The following CDH13 variants were observed in gnomAD, a reference collection of about 807,000 sequenced individuals.
The protein encoded by CDH13 is cadherin 13.
In CDH13, 24 loss-of-function variants were observed where a neutral mutation model predicts 63.8. The ratio of observed to expected loss-of-function variants is 0.38; its 90% CI spans 0.27 to 0.53. The LOEUF is 0.53. Ranked by LOEUF, CDH13 falls within the 20% of genes least tolerant of loss-of-function variation. The pLI is 0.85. For missense variants in CDH13, 1,049 were observed against 903.1 expected, an observed-to-expected ratio of 1.16 and a Z score of -2.07; for synonymous variants, 503 against 355.3, an observed-to-expected ratio of 1.42 and a Z score of -4.67.
At chr16:83,432,747 C>T (rs887845762) in intron 6 of CDH13, among the ~76,000 whole-genome samples, 12 of 152,148 alleles carry the variant, frequency 7.9e-5, no homozygotes, top group African/African-American at 2.9e-4. Context: ...GCACAGGCAG[C>T]TGGGTCTCTG....
intron 10 of CDH13, among the ~76,000 whole-genome samples, chr16:83,745,072 T>C (rs766800478): frequency 5.9e-5 from 9 of 152,064 alleles, no homozygotes; most frequent in Non-Finnish European, 1.3e-4. Flanking sequence ...ATTATCAACC[T>C]CCCAGGGCTG....
At chr16:82,858,767 A>T in intron 2 of CDH13, 1 of 468,866 alleles carries the variant, frequency 2.1e-6, no homozygotes, top group Admixed American at 3.8e-5. Context: ...GTGCAAAGGA[A>T]ATGAAATTCA....
In CDH13 at chr16:83,581,969, A is replaced by T. The variant is rs918884777; in HGVS notation, c.961-20485A>T. Among the ~76,000 whole-genome samples the T allele has an allele frequency of 5.3e-5, 8 of 152,224 alleles. No individual in the cohort carries two copies. The East Asian group carries it at 1.5e-3, about 29-fold the overall frequency. ...AGAATGCAGGCTCTAGGATGAGGGC[A>T]TCTTTGTGACCTTGTCTATGGCTCT... On this transcript the variant is annotated intron_variant, in intron 7 of 13. Transcript: ENST00000567109.
chr16:83,529,106 T>C (rs1598227962), intron 7 of CDH13, among the ~76,000 whole-genome samples: 1 of 120,288 alleles, frequency 8.3e-6, no homozygotes, highest in Non-Finnish European at 1.9e-5. Flanking sequence ...TTTTTTTTTT[T>C]TCTTTTTCAT....
chr16:83,269,292 G>A (rs1260407193), intron 5 of CDH13, among the ~76,000 whole-genome samples: 1 of 152,072 alleles, frequency 6.6e-6, no homozygotes, highest in Non-Finnish European at 1.5e-5. Context: ...CTAAAGTGGG[G>A]GGCAGATCCT....
chr16:83,465,991 T>C (rs953535580), intron 6 of CDH13, among the ~76,000 whole-genome samples: 5 of 152,156 alleles, frequency 3.3e-5, no homozygotes, highest in African/African-American at 1.2e-4. Context: ...AGGAGAAGTC[T>C]CTTCTGCTTT....
chr16:83,115,112 C>T (rs185019675), intron 3 of CDH13, among the ~76,000 whole-genome samples: 2 of 152,318 alleles, frequency 1.3e-5, no homozygotes, highest in African/African-American at 4.8e-5. Context: ...TCCAGCCAAG[C>T]ACAGACCTCC....
At chr16:83,257,573 G>A (rs1906449733) in intron 5 of CDH13, among the ~76,000 whole-genome samples, 1 of 152,176 alleles carries the variant, frequency 6.6e-6, no homozygotes, top group Non-Finnish European at 1.5e-5. Context: ...CAGTGAGGCT[G>A]CACACCAGCA....
intron 1 of CDH13, among the ~76,000 whole-genome samples, chr16:82,831,854 C>G (rs939994844): frequency 5.9e-5 from 9 of 152,190 alleles, no homozygotes; most frequent in African/African-American, 2.2e-4. Flanking sequence ...TGTGGAATGA[C>G]TTTCCAGGAA....
chr16:82,819,382 C>G (rs1567567461), intron 1 of CDH13, among the ~76,000 whole-genome samples: 1 of 152,118 alleles, frequency 6.6e-6, no homozygotes, highest in Non-Finnish European at 1.5e-5. Context: ...TTAACAAATG[C>G]TGGAATTACT....
intron 5 of CDH13, among the ~76,000 whole-genome samples, chr16:83,336,464 TC>T (rs2090600357): frequency 6.6e-6 from 1 of 152,022 alleles, no homozygotes; most frequent in South Asian, 2.1e-4. Context: ...GAGAGGTAAT[TC>T]GGAGGGAAAA....
At chr16:83,136,099 A>C (rs1202789872) in intron 4 of CDH13, among the ~76,000 whole-genome samples, 1 of 151,984 alleles carries the variant, frequency 6.6e-6, no homozygotes, top group Non-Finnish European at 1.5e-5. Context: ...GGGTGCACCA[A>C]AATCTCACAT....
chr16:82,906,290 C>T (rs1420940623), intron 2 of CDH13, among the ~76,000 whole-genome samples: 1 of 152,114 alleles, frequency 6.6e-6, no homozygotes, highest in Admixed American at 6.6e-5. Context: ...CTTAGCAGAC[C>T]TCCATGGTGG....
At chr16:83,099,560 G>T (rs1472333478) in intron 3 of CDH13, among the ~76,000 whole-genome samples, 1 of 124,336 alleles carries the variant, frequency 8.0e-6, no homozygotes, top group Non-Finnish European at 1.8e-5. Context: ...CTAACCTCAT[G>T]TGATCTACCT....
chr16:83,407,911 C>T (rs187366686), intron 6 of CDH13, among the ~76,000 whole-genome samples: 8 of 152,238 alleles, frequency 5.3e-5, no homozygotes, highest in Admixed American at 3.9e-4. Flanking sequence ...GCAGAGTTTC[C>T]ATTTGCTTCT....
chr16:83,187,856 A>G (rs1351949076), intron 4 of CDH13, among the ~76,000 whole-genome samples: 1 of 152,110 alleles, frequency 6.6e-6, no homozygotes, highest in Non-Finnish European at 1.5e-5. Flanking sequence ...TAGAGATGAG[A>G]GTAGGTTGCA....
chr16:83,204,513 C>G (rs930942957), intron 4 of CDH13, among the ~76,000 whole-genome samples: 1 of 152,184 alleles, frequency 6.6e-6, no homozygotes, highest in African/African-American at 2.4e-5. Flanking sequence ...CATTCACTCA[C>G]CATGAGCCTT....
At chr16:83,645,748 T>G (rs1201679908) in intron 8 of CDH13, among the ~76,000 whole-genome samples, 2 of 151,566 alleles carry the variant, frequency 1.3e-5, no homozygotes, top group African/African-American at 4.9e-5. Context: ...TTCTTGGTGG[T>G]AGAGCATAAG....
chr16:83,490,232 G>A (rs534259542), intron 7 of CDH13, among the ~76,000 whole-genome samples: 1 of 152,274 alleles, frequency 6.6e-6, no homozygotes, highest in South Asian at 2.1e-4. Context: ...CTACCAAGGA[G>A]GACCCCAGCA....
Sources: gnomAD v4.1 joint callset for allele counts (sites outside exome capture counted in the v4.1 genomes callset) on GRCh38, gnomAD v4.1.1 for gene constraint, MANE v1.5 for transcripts, NCBI Gene and HGNC (gene_info 2026-07-23, HGNC 2026-07-21) for gene names.